Variants in PLIN1 observed in about 807,000 individuals in gnomAD.
PLIN1 encodes the protein perilipin 1, also known as perilipin-1.
Under a neutral mutation model 45.8 loss-of-function variants are expected in PLIN1, and 37 were observed. The observed-to-expected ratio is 0.81, with a 90% CI of 0.62 to 1.06. PLIN1 has a LOEUF of 1.06. Among genes scored for constraint, PLIN1 ranks in the 50% least tolerant of loss-of-function variants. The pLI is 0.00. For synonymous variants in PLIN1, 340 were observed against 309.2 expected (o/e 1.10, Z -1.05); for missense variants, 776 against 716.5 (o/e 1.08, Z -0.95).
rs990103310 is a variant in PLIN1, at chr15:89,671,430, G to A, written c.333+52C>T. Reference sequence around the variant, plus strand: ...GCAGCCCCTGCCCTCTCCTCCCTGAGAGGCGGTGACGACAGAGTGCAGGGA... The same window carrying A: ...GCAGCCCCTGCCCTCTCCTCCCTGAAAGGCGGTGACGACAGAGTGCAGGGA... On this transcript the variant is annotated intron_variant, in intron 4 of 8. Coordinates refer to ENST00000300055, the MANE Select transcript of PLIN1 (RefSeq NM_002666.5). The A allele has an allele frequency of 1.3e-5, 17 of 1,266,754 alleles. No homozygotes were observed. The African/African-American group carries it at 2.1e-4, about 15-fold the overall frequency. The allele number at this position is 1,266,754 out of a possible 1,614,324, so 78.5% of individuals were successfully genotyped here.
chr15:89,669,591 T>A lies in PLIN1; in HGVS notation c.680A>T (p.Asn227Ile). Reference protein sequence around the residue: ...SLLSRVGALTNTLSRYTVQTM... With the variant: ...SLLSRVGALTITLSRYTVQTM... The stretch of plus-strand genomic sequence containing the variant: ...CTGCACGGTGTATCGAGAGAGGGTG[T>A]TGGTCAGAGCCCCAACCCTGCTCAA... The change falls in exon 6 of 9, where the codon AAC becomes ATC. Residue 227 changes from asparagine (N) to isoleucine (I), a missense_variant. Asn to Ile is a moderately radical substitution (Grantham distance 149). Transcript: ENST00000300055. The A allele has an allele frequency of 6.2e-7, 1 of 1,613,798 alleles. No individual in the cohort carries two copies. Among genetic ancestry groups the A allele is most frequent in the African/African-American group, 1.3e-5 (1 of 74,972 alleles).
At chr15:89,673,133 A>T in intron 3 of PLIN1, 77 bp downstream of exon 3, 1 of 1,105,940 alleles carries the variant, frequency 9.0e-7, no homozygotes. Context: ...ACAGTCAGAC[A>T]GACTGAGAGG....
intron 1 of PLIN1, 96 bp from the exon 2 acceptor site, chr15:89,677,599 C>G (rs1248472952): frequency 9.8e-7 from 1 of 1,024,304 alleles, no homozygotes; most frequent in Non-Finnish European, 1.6e-6. Flanking sequence ...TAGGCCCAGG[C>G]TGCCTGGGGG....
At chr15:89,671,705 T>C in intron 3 of PLIN1, 141 bp from the exon 4 acceptor site, 1 of 711,126 alleles carries the variant, frequency 1.4e-6, no homozygotes, top group Non-Finnish European at 2.6e-6. Flanking sequence ...CCCCAGGCCC[T>C]TTGCCCTCTT....
chr15:89,669,189 G>T (rs1964397019), intron 6 of PLIN1, among the ~76,000 whole-genome samples: 1 of 152,102 alleles, frequency 6.6e-6, no homozygotes, highest in South Asian at 2.1e-4. Context: ...AGGTCCACTT[G>T]GGGGTATGAA....
rs749568395 is a variant in PLIN1, at chr15:89,667,597, C to G, written c.963+5G>C. The G allele has an allele frequency of 9.9e-6, 16 of 1,614,192 alleles. No homozygotes were observed. Among genetic ancestry groups the G allele is most frequent in the Non-Finnish European group, 1.1e-5 (13 of 1,180,000 alleles). ...GGACCTTGAGGCTCCCACTCTCCCC[C>G]TCACCTCACTGAACTTGTTCTCCTC... On this transcript the variant is annotated splice_donor_5th_base_variant and intron_variant, in intron 7 of 8. Coordinates refer to ENST00000300055, the MANE Select transcript of PLIN1 (RefSeq NM_002666.5).
chr15:89,667,646 C>G lies in PLIN1; in HGVS notation c.919G>C (p.Glu307Gln), dbSNP rs1964370845. Residue 307 changes from glutamate to glutamine, a missense_variant, in exon 7 of 9, where the codon GAG becomes CAG. Coordinates refer to ENST00000300055, the MANE Select transcript of PLIN1 (RefSeq NM_002666.5). Reference sequence around the variant, plus strand: ...TCAGTCTCCAATTCTTCCTCCTCCTCCGTGTCCTCTCCCTCCGTGTCTGTC... The same window carrying G: ...TCAGTCTCCAATTCTTCCTCCTCCTGCGTGTCCTCTCCCTCCGTGTCTGTC... Reference protein sequence around the residue: ...DQTDTEGEDTEEEEELETEEN... With the variant: ...DQTDTEGEDTQEEEELETEEN... 2 of 1,611,828 alleles carry G rather than the reference C, an allele frequency of 1.2e-6. No individual in the cohort carries two copies. Among genetic ancestry groups the G allele is most frequent in the Non-Finnish European group, 1.7e-6 (2 of 1,178,702 alleles).
At position 89,666,921 on chromosome 15, in the gene PLIN1, AG is replaced by A; in HGVS notation, c.1209+14del. The A allele has an allele frequency of 6.2e-7, 1 of 1,613,712 alleles. No individual in the cohort carries two copies. The highest frequency in any genetic ancestry group is 8.5e-7 in the Non-Finnish European group (1 of 1,179,832). ...CCCCTTGGGACACTAACAGTTTGCC[AG>A]GGGTGGTACTCACCGGCACGTAATG... is the stretch of plus-strand genomic sequence containing the variant. On this transcript the variant is annotated intron_variant, in intron 8 of 8. Transcript: ENST00000300055.
In PLIN1 at chr15:89,664,855, A is replaced by G. The variant is rs1404568236; in HGVS notation, c.*728T>C. ...CTATACATAAAGTCTATATATCATC[A>G]CCATTTTGGTTCCCCAGCATCAAAA... is the stretch of plus-strand genomic sequence containing the variant. On this transcript the variant is annotated 3_prime_UTR_variant, in exon 9 of 9. Coordinates refer to ENST00000300055, the MANE Select transcript of PLIN1 (RefSeq NM_002666.5). The G allele has an allele frequency of 2.2e-6, 1 of 456,056 alleles. No individual in the cohort carries two copies. Among genetic ancestry groups the G allele is most frequent in the East Asian group, 6.9e-5 (1 of 14,400 alleles). 28.3% of individuals were successfully genotyped at this position (456,056 alleles called of 1,614,324 possible).
Position 89,669,671 on chromosome 15 carries a change from G to A in PLIN1, c.600C>T (p.Ala200=). 1 of 1,613,880 alleles carries A rather than the reference G, an allele frequency of 6.2e-7. No homozygotes were observed. Among genetic ancestry groups the A allele is most frequent in the Non-Finnish European group, 8.5e-7 (1 of 1,179,916 alleles). The change falls in exon 6 of 9, where the codon GCC becomes GCT. Residue 200 remains alanine, a splice_region_variant and synonymous_variant. Transcript: ENST00000300055. ...YLLPPDKEES[A]PAPGHQQAQK... Reference sequence around the variant, plus strand: ...GGGCTTGCTGGTGTCCAGGAGCAGGGGCTGGGTAGGGATTTGGGGGGAAAG... The same window carrying A: ...GGGCTTGCTGGTGTCCAGGAGCAGGAGCTGGGTAGGGATTTGGGGGGAAAG...
chr15:89,674,214 T>A (rs1469458766), intron 2 of PLIN1, among the ~76,000 whole-genome samples: 1 of 152,198 alleles, frequency 6.6e-6, no homozygotes, highest in Non-Finnish European at 1.5e-5. Flanking sequence ...GTAGTAAGAA[T>A]CCTTTCCATC....
Position 89,670,197 on chromosome 15 carries a change from G to A in PLIN1, c.381C>T (p.Ala127=). Residue 127 remains alanine, a synonymous_variant, in exon 5 of 9, where the codon GCC becomes GCT. Coordinates refer to ENST00000300055, the MANE Select transcript of PLIN1 (RefSeq NM_002666.5). ...CGATGGGAACGCTGATGCTGTTTCT[G>A]GCACTGCGGAGGCGGGTGGAGATGG... is the stretch of plus-strand genomic sequence containing the variant. ...KDTISTRLRS[A]RNSISVPIAS... 1 of 1,613,946 alleles carries A rather than the reference G, an allele frequency of 6.2e-7. No individual in the cohort carries two copies. The highest frequency in any genetic ancestry group is 8.5e-7 in the Non-Finnish European group (1 of 1,179,948).
chr15:89,673,550 G>A (rs564011389), intron 2 of PLIN1, 136 bp from the exon 3 acceptor site: 34 of 707,508 alleles, frequency 4.8e-5, no homozygotes, highest in South Asian at 4.5e-4. Flanking sequence ...GGCCAAAGAG[G>A]TCTCTAGATG....
At position 89,671,435 on chromosome 15, in the gene PLIN1, G is replaced by A. The variant is rs369256147; in HGVS notation, c.333+47C>T. ...CCCTGCCCTCTCCTCCCTGAGAGGC[G>A]GTGACGACAGAGTGCAGGGAGGCTT... On this transcript the variant is annotated intron_variant, in intron 4 of 8. Transcript: ENST00000300055. 67 of 1,304,112 alleles carry A rather than the reference G, an allele frequency of 5.1e-5. 1 individual carries two copies. In the Middle Eastern group the frequency reaches 2.2e-3, roughly 42 times the overall value. 80.8% of individuals were successfully genotyped at this position (1,304,112 alleles called of 1,614,324 possible).
chr15:89,669,875 G>T, intron 5 of PLIN1, 105 bp downstream of exon 5: 1 of 1,232,894 alleles, frequency 8.1e-7, no homozygotes. Context: ...AATCCCACTG[G>T]CCTTCCCTAT....
chr15:89,671,466 G>A lies in PLIN1; in HGVS notation c.333+16C>T. The A allele has an allele frequency of 6.5e-7, 1 of 1,540,758 alleles. No individual in the cohort carries two copies. ...GACAGAGTGCAGGGAGGCTTCGAGA[G>A]GTGGGAAGGGCTCACCTTTTCAGGG... On this transcript the variant is annotated intron_variant, in intron 4 of 8. Transcript: ENST00000300055.
chr15:89,676,236 T>G (rs901325073), intron 2 of PLIN1, among the ~76,000 whole-genome samples: 3 of 148,736 alleles, frequency 2.0e-5, no homozygotes, highest in Admixed American at 1.3e-4. Flanking sequence ...AATATCTTAG[T>G]TTTTTTTTGT....
chr15:89,673,074 C>G, intron 3 of PLIN1, 136 bp downstream of exon 3: 1 of 708,518 alleles, frequency 1.4e-6, no homozygotes, highest in Non-Finnish European at 2.5e-6. Flanking sequence ...ATAAGAAGAC[C>G]ATGCAATGGG....
chr15:89,677,390 C>A, intron 2 of PLIN1, 55 bp downstream of exon 2: 3 of 1,408,776 alleles, frequency 2.1e-6, no homozygotes, highest in Non-Finnish European at 2.0e-6. Flanking sequence ...CTCCCTGCTT[C>A]TTCCTCCTCC....
Sources: allele counts gnomAD v4.1 joint callset (sites outside exome capture counted in the v4.1 genomes callset), GRCh38; gene constraint gnomAD v4.1.1; transcripts MANE v1.5; gene names NCBI Gene and HGNC (gene_info 2026-07-23, HGNC 2026-07-21).